TACC3: variants seen among roughly 807,000 people sequenced by gnomAD.
TACC3 encodes the protein transforming acidic coiled-coil containing protein 3, also known as transforming acidic coiled-coil-containing protein 3.
Under a neutral mutation model 86.0 loss-of-function variants are expected in TACC3, and 52 were observed. The ratio of observed to expected loss-of-function variants is 0.60; its 90% CI spans 0.48 to 0.76. TACC3 has a LOEUF of 0.76. TACC3 is among the 30% of genes least tolerant of loss of function. The probability of loss-of-function intolerance (pLI) is 0.00; values close to 1 mark genes in which losing one functional copy is unlikely to be tolerated. For missense variants in TACC3, 1,120 were observed against 1,070.4 expected (o/e 1.05, Z -0.65); for synonymous variants, 512 against 430.0 (o/e 1.19, Z -2.36).
intron 3 of TACC3, among the ~76,000 whole-genome samples, chr4:1,727,077 G>A (rs372397745): frequency 2.8e-3 from 425 of 152,002 alleles, no homozygotes; most frequent in Middle Eastern, 0.01. Context: ...GTTGCAGTGA[G>A]CCGAGATCAT....
rs747150915 is a variant in TACC3 at position 1,723,389 on chromosome 4, C to T, written c.-1-32C>T. 5.6e-6 allele frequency: 9 copies of T among 1,602,712 alleles called. 1 individual carries two copies. Among genetic ancestry groups the T allele is most frequent in the Middle Eastern group, 1.7e-4 (1 of 6,024 alleles). On this transcript the variant is annotated intron_variant, in intron 1 of 15. Coordinates refer to ENST00000313288, the MANE Select transcript of TACC3 (RefSeq NM_006342.3). ...CTGGACAATGTGGTAGTGTTGCCCT[C>T]ACACTGACACAAACATGTTCTGCTT...
chr4:1,739,673 G>A (rs1718469733), intron 10 of TACC3, 29 bp from the exon 11 acceptor site: 1 of 1,559,158 alleles, frequency 6.4e-7, no homozygotes, highest in Non-Finnish European at 8.7e-7. Context: ...TGGCCCGCCT[G>A]CCTGCTGACT....
At chr4:1,724,126 G>C (rs1032560127) in intron 3 of TACC3, among the ~76,000 whole-genome samples, 1 of 149,814 alleles carries the variant, frequency 6.7e-6, no homozygotes, top group East Asian at 2.0e-4. Context: ...CTGCCACCAC[G>C]CCCGGCTAAT....
At chr4:1,732,409 TAC>T (rs1415868418) in intron 6 of TACC3, among the ~76,000 whole-genome samples, 15 of 150,370 alleles carry the variant, frequency 1.0e-4, no homozygotes, top group African/African-American at 3.4e-4. Flanking sequence ...GTTAAATAAA[TAC>T]AGTTTGTCCG....
intron 1 of TACC3, among the ~76,000 whole-genome samples, chr4:1,722,584 T>TC (rs1717460853): frequency 6.6e-6 from 1 of 152,066 alleles, no homozygotes; most frequent in Non-Finnish European, 1.5e-5. Context: ...TCCAGGACCC[T>TC]CCCCAACTTT....
chr4:1,739,796 C>T lies in TACC3; in HGVS notation c.2018+18C>T, dbSNP rs1433668191. ...GAACTGGGGTAAGGAGGCCCCGTCT[C>T]CTGTCCTCCCCGTCCCCATCCCCCT... On this transcript the variant is annotated intron_variant, in intron 11 of 15. Coordinates refer to ENST00000313288, the MANE Select transcript of TACC3 (RefSeq NM_006342.3). 6.3e-7 allele frequency: 1 copy of T among 1,577,352 alleles called. No individual in the cohort carries two copies. Among genetic ancestry groups the T allele is most frequent in the Non-Finnish European group, 8.6e-7 (1 of 1,162,238 alleles).
upstream of TACC3, chr4:1,720,931 C>T (rs1019049031): frequency 4.3e-6 from 5 of 1,168,952 alleles, 1 homozygote; most frequent in South Asian, 1.5e-4. This position sits in a 1 kb window ranked among gnomAD's most constrained non-coding sequence, Gnocchi z 4.4. Flanking sequence ...GTTGCGGCGG[C>T]CGCCGCCCGG....
intron 4 of TACC3, 51 bp downstream of exon 4, chr4:1,728,838 GTGTA>G: frequency 6.6e-7 from 1 of 1,526,614 alleles, no homozygotes; most frequent in Non-Finnish European, 8.8e-7. Context: ...CTGCCCTGCA[GTGTA>G]TGTGGTCCAG....
chr4:1,722,666 C>T (rs1577203870), intron 1 of TACC3, among the ~76,000 whole-genome samples: 1 of 152,300 alleles, frequency 6.6e-6, no homozygotes, highest in East Asian at 1.9e-4. Context: ...CTGCCCTGGT[C>T]GACACTCGGT....
intron 12 of TACC3, chr4:1,740,295 C>T (rs922678629): frequency 3.7e-6 from 2 of 544,330 alleles, no homozygotes; most frequent in Non-Finnish European, 6.6e-6. Flanking sequence ...CCGCCGTGGC[C>T]TACCCCACTC....
At chr4:1,721,451 C>T (rs902327785), upstream of TACC3, 2 of 152,200 alleles carry the variant, frequency 1.3e-5, no homozygotes, top group African/African-American at 2.4e-5. Flanking sequence ...GGTCCTGCCC[C>T]CGGCCGCGCG....
At chr4:1,740,402 G>A (rs1718528660) in intron 12 of TACC3, 1 of 352,828 alleles carries the variant, frequency 2.8e-6, no homozygotes, top group Non-Finnish European at 5.2e-6. Context: ...CCAAAAGCTT[G>A]GGCTCCTGGA....
chr4:1,744,410 G>A lies in TACC3; in HGVS notation c.2224-108G>A, dbSNP rs559056517. On this transcript the variant is annotated intron_variant, in intron 13 of 15. Coordinates refer to ENST00000313288, the MANE Select transcript of TACC3 (RefSeq NM_006342.3). ...AGGAAAACGGGAGCTACTGGCTCAC[G>A]GCTGATGCCCCAGACAGCCTCGAGG... 45 of 1,032,606 alleles carry A rather than the reference G, an allele frequency of 4.4e-5. No individual in the cohort carries two copies. In the East Asian group the frequency reaches 7.8e-4, roughly 18 times the overall value. 64.0% of individuals were successfully genotyped at this position (1,032,606 alleles called of 1,614,324 possible). A position where few individuals can be genotyped will look rare whatever the true frequency, so the allele number is the denominator to read the frequency against.
Position 1,735,124 on chromosome 4 carries a change from A to G in TACC3, c.1592-149A>G, listed in dbSNP as rs1042585594. The G allele has an allele frequency of 8.4e-6, 9 of 1,069,176 alleles. No homozygotes were observed. The African/African-American group carries it at 1.1e-4, about 13-fold the overall frequency. 66.2% of individuals were successfully genotyped at this position (1,069,176 alleles called of 1,614,324 possible). On this transcript the variant is annotated intron_variant, in intron 6 of 15. Coordinates refer to ENST00000313288, the MANE Select transcript of TACC3 (RefSeq NM_006342.3). The surrounding 1 kb of genome is among the most constrained non-coding windows in gnomAD (Gnocchi z 4.2). ...CCAGGAGGCGCCTGCCGCAGACAGC[A>G]GTCAGGCCCCGAACATCCACACCTC...
At chr4:1,730,483 A>G (rs970691827) in intron 4 of TACC3, 4 of 366,008 alleles carry the variant, frequency 1.1e-5, no homozygotes, top group Middle Eastern at 1.7e-3. Context: ...TATTTATGAT[A>G]CTGGAACAGC....
In TACC3 at chr4:1,735,397, C is replaced by T. The variant is rs978328701; in HGVS notation, c.1644+72C>T. The T allele has an allele frequency of 7.0e-6, 11 of 1,577,076 alleles. No individual in the cohort carries two copies. The highest frequency in any genetic ancestry group is 1.7e-5 in the Admixed American group (1 of 59,770). ...GAGCAGCCACGGCAGGTCTTGCCCC[C>T]GGAGCGTCCCTTGGTGCCCACGTCC... On this transcript the variant is annotated intron_variant, in intron 7 of 15. Coordinates refer to ENST00000313288, the MANE Select transcript of TACC3 (RefSeq NM_006342.3). This position sits in a 1 kb window ranked among gnomAD's most constrained non-coding sequence, Gnocchi z 4.2.
intron 13 of TACC3, among the ~76,000 whole-genome samples, chr4:1,742,289 A>G (rs1465415158): frequency 1.3e-5 from 2 of 152,214 alleles, no homozygotes; most frequent in Non-Finnish European, 2.9e-5. Context: ...AGGACTCTTC[A>G]CACGGTGCTG....
chr4:1,728,712 C>T lies in TACC3; in HGVS notation c.1310C>T (p.Thr437Ile). The T allele has an allele frequency of 6.2e-7, 1 of 1,613,456 alleles. No individual in the cohort carries two copies. The highest frequency in any genetic ancestry group is 8.5e-7 in the Non-Finnish European group (1 of 1,179,996). Residue 437 changes from threonine to isoleucine, a missense_variant, in exon 4 of 16, where the codon ACC (threonine) becomes ATC (isoleucine). By Grantham distance (89) the Thr-to-Ile change is moderately conservative (BLOSUM62 -1). Transcript: ENST00000313288. ...GCCCAGCCCCCAGAAAGCCCTGAGA[C>T]CAGGCTGGGCCAGCCAGCGGCTGAA... is the stretch of plus-strand genomic sequence containing the variant. ...SEAQPPESPETRLGQPAAEQL... is the reference protein window; with the variant it reads ...SEAQPPESPEIRLGQPAAEQL...
chr4:1,723,733 T>G lies in TACC3; in HGVS notation c.168T>G (p.Thr56=), dbSNP rs747578323. Residue 56 remains threonine, a synonymous_variant, in exon 3 of 16, where the codon ACT becomes ACG. Transcript: ENST00000313288. ...TCCTCCTCACTCCGCAACAGGTGAC[T>G]TTTCAGACACCTCTGCGGGATCCAC... ...PKNLAKAMKV[T]FQTPLRDPQT... is the part of the protein sequence containing the mutation. 2 of 1,613,714 alleles carry G rather than the reference T, an allele frequency of 1.2e-6. No homozygotes were observed. The highest frequency in any genetic ancestry group is 2.2e-5 in the South Asian group (2 of 91,082).
Sources: allele counts gnomAD v4.1 joint callset (sites outside exome capture counted in the v4.1 genomes callset), GRCh38; gene constraint gnomAD v4.1.1; non-coding constraint Gnocchi (gnomAD v3.1); transcripts MANE v1.5; gene names NCBI Gene and HGNC (gene_info 2026-07-23, HGNC 2026-07-21).